CMIP: variants seen among roughly 807,000 people sequenced by gnomAD.
CMIP encodes C-Maf-inducing protein.
A neutral mutation model predicts 97.3 loss-of-function variants in CMIP; 13 were observed. The observed-to-expected ratio is 0.13, with a 90% confidence interval of 0.09 to 0.21. The LOEUF is 0.21. Ranked by LOEUF, CMIP falls within the 10% of genes least tolerant of loss-of-function variation. CMIP has a pLI of 1.00. For missense variants in CMIP, 847 were observed against 1,024.9 expected (o/e 0.83, Z 2.37); for synonymous variants, 538 against 436.3 (o/e 1.23, Z -2.91).
intron 3 of CMIP, among the ~76,000 whole-genome samples, chr16:81,624,596 C>A (rs184045601): frequency 1.5e-4 from 23 of 152,268 alleles, no homozygotes; most frequent in African/African-American, 5.5e-4. Context: ...GGCAGCATCA[C>A]CCCTAATGGG....
At chr16:81,668,418 A>G (rs1274857420) in intron 7 of CMIP, among the ~76,000 whole-genome samples, 1 of 152,118 alleles carries the variant, frequency 6.6e-6, no homozygotes, top group Non-Finnish European at 1.5e-5. Context: ...GCTCCTGGCA[A>G]GCCCCAAGCC....
intron 1 of CMIP, among the ~76,000 whole-genome samples, chr16:81,593,742 C>G (rs2091502211): frequency 1.3e-5 from 2 of 152,184 alleles, no homozygotes; most frequent in South Asian, 4.1e-4. Flanking sequence ...CCTGTAGCCT[C>G]TCCCATCTGC....
chr16:81,684,824 T>C (rs891838415), intron 10 of CMIP, among the ~76,000 whole-genome samples: 3 of 151,282 alleles, frequency 2.0e-5, no homozygotes, highest in Non-Finnish European at 4.5e-5. Flanking sequence ...CCTTCTTTTC[T>C]CCTTCCTAGG....
intron 1 of CMIP, among the ~76,000 whole-genome samples, chr16:81,475,271 G>C (rs561208080): frequency 1.2e-4 from 18 of 151,838 alleles, no homozygotes; most frequent in African/African-American, 3.9e-4. Context: ...CTTTTAAAAT[G>C]ATGATCTGTT....
At chr16:81,703,059 A>T (rs1907599412) in intron 17 of CMIP, among the ~76,000 whole-genome samples, 1 of 151,986 alleles carries the variant, frequency 6.6e-6, no homozygotes, top group Non-Finnish European at 1.5e-5. Context: ...TAAGGGTCTT[A>T]TTTCCTTCTA....
chr16:81,709,136 C>T (rs72831137), intron 20 of CMIP, among the ~76,000 whole-genome samples: 14,261 of 152,122 alleles, frequency 0.094, 873 homozygotes, highest in Non-Finnish European at 0.13. Flanking sequence ...ATCACAGAGT[C>T]GAGTAATGCA....
chr16:81,511,711 C>T (rs1430663518), intron 1 of CMIP, among the ~76,000 whole-genome samples: 3 of 152,168 alleles, frequency 2.0e-5, no homozygotes, highest in Non-Finnish European at 4.4e-5. Context: ...CAGGTGTGCA[C>T]CACCACGCCT....
intron 1 of CMIP, among the ~76,000 whole-genome samples, chr16:81,480,560 A>G (rs1268264446): frequency 6.6e-6 from 1 of 151,828 alleles, no homozygotes; most frequent in African/African-American, 2.4e-5. Flanking sequence ...TAAAATCTCC[A>G]CCTGAGTCCA....
chr16:81,568,621 C>T (rs935775854), intron 1 of CMIP, among the ~76,000 whole-genome samples: 1 of 152,210 alleles, frequency 6.6e-6, no homozygotes, highest in African/African-American at 2.4e-5. Context: ...GAAACTTTTA[C>T]ATTTGTTTCT....
At chr16:81,523,425 A>G (rs1321936276) in intron 1 of CMIP, among the ~76,000 whole-genome samples, 1 of 152,136 alleles carries the variant, frequency 6.6e-6, no homozygotes, top group Non-Finnish European at 1.5e-5. Context: ...ACACAGAAGG[A>G]CGTGGGGCCC....
chr16:81,651,287 G>A (rs570771744), intron 3 of CMIP: 2 of 249,064 alleles, frequency 8.0e-6, no homozygotes, highest in Non-Finnish European at 1.3e-5. Flanking sequence ...GGTGGAGGGA[G>A]TGCTTGGCCC....
At chr16:81,620,996 C>G in intron 3 of CMIP, 70 bp downstream of exon 3, 1 of 1,582,198 alleles carries the variant, frequency 6.3e-7, no homozygotes, top group Non-Finnish European at 8.7e-7. Context: ...GCCAATCTGT[C>G]ACCCAGAGGC....
At chr16:81,556,409 T>C (rs2090764709) in intron 1 of CMIP, among the ~76,000 whole-genome samples, 1 of 152,208 alleles carries the variant, frequency 6.6e-6, no homozygotes, top group African/African-American at 2.4e-5. Context: ...AGGAGTAAAA[T>C]TGATGGATCA....
intron 1 of CMIP, among the ~76,000 whole-genome samples, chr16:81,569,891 A>G (rs2091052524): frequency 6.6e-6 from 1 of 152,242 alleles, no homozygotes; most frequent in Admixed American, 6.5e-5. Context: ...ATGTGTGTCT[A>G]GCGCCTGTAC....
chr16:81,451,272 A>G (rs961876387), intron 1 of CMIP, among the ~76,000 whole-genome samples: 1 of 152,132 alleles, frequency 6.6e-6, no homozygotes, highest in African/African-American at 2.4e-5. Context: ...TGATGGTTTT[A>G]TAAGGGGAAA....
intron 1 of CMIP, among the ~76,000 whole-genome samples, chr16:81,587,552 GTTC>G (rs1429346866): frequency 6.6e-6 from 1 of 152,156 alleles, no homozygotes; most frequent in East Asian, 1.9e-4. Flanking sequence ...TGAGGTGGGT[GTTC>G]TTCTCATTCC....
intron 1 of CMIP, among the ~76,000 whole-genome samples, chr16:81,488,676 C>T (rs2926003): frequency 0.38 from 57,023 of 151,834 alleles, 10,869 homozygotes; most frequent in Admixed American, 0.44. Context: ...CTTGCTTTAC[C>T]GCAGCACCAG....
intron 5 of CMIP, among the ~76,000 whole-genome samples, chr16:81,658,923 T>G (rs2092515023): frequency 6.6e-6 from 1 of 152,208 alleles, no homozygotes; most frequent in Non-Finnish European, 1.5e-5. Context: ...CCTAGCTGGG[T>G]ACTGTATGCA....
chr16:81,554,616 G>T lies in CMIP; in HGVS notation c.301-52951G>T, dbSNP rs561159677. 2.6e-5 allele frequency among the ~76,000 whole-genome samples: 4 copies of T among 152,296 alleles called. No homozygotes were observed. The East Asian group carries it at 7.7e-4, about 29-fold the overall frequency. ...TTTACCTCCAGATTTCTACTTTCTGGCTCAGAGCTGTCCTTTCACTTTCTC... is the reference window on the plus strand; with the variant it reads ...TTTACCTCCAGATTTCTACTTTCTGTCTCAGAGCTGTCCTTTCACTTTCTC... On this transcript the variant is annotated intron_variant, in intron 1 of 20. Coordinates refer to ENST00000537098, the MANE Select transcript of CMIP (RefSeq NM_198390.3).
Sources: gnomAD v4.1 joint callset for allele counts (sites outside exome capture counted in the v4.1 genomes callset) on GRCh38, gnomAD v4.1.1 for gene constraint, MANE v1.5 for transcripts, NCBI Gene and HGNC (gene_info 2026-07-23, HGNC 2026-07-21) for gene names.